The following C10orf67 variants were observed in gnomAD, a reference collection of about 807,000 sequenced individuals.
C10orf67 encodes uncharacterized protein C10orf67, mitochondrial.
A neutral mutation model predicts 35.6 loss-of-function variants in C10orf67; 60 were observed. The ratio of observed to expected loss-of-function variants is 1.68; its 90% confidence interval spans 1.37 to 2.09. The LOEUF is 2.09. Ranked by LOEUF, C10orf67 falls within the 30% of genes most tolerant of loss-of-function variation. The probability of loss-of-function intolerance (pLI) is 0.00; values close to 1 mark genes in which losing one functional copy is unlikely to be tolerated. For missense variants in C10orf67, 474 were observed against 330.2 expected, an observed-to-expected ratio of 1.44 and a Z score of -3.38; for synonymous variants, 167 against 115.8, an observed-to-expected ratio of 1.44 and a Z score of -2.84.
Position 23,203,516 on chromosome 10 carries a change from A to T in C10orf67, c.*657T>A, listed in dbSNP as rs187000209. 2 of 152,356 alleles carry T rather than the reference A, an allele frequency of 1.3e-5. No individual in the cohort carries two copies. The highest frequency in any genetic ancestry group is 3.9e-4 in the East Asian group (2 of 5,186). The allele number at this position is 152,356 out of a possible 1,614,324, so 9.4% of individuals were successfully genotyped here. On this transcript the variant is annotated 3_prime_UTR_variant, in exon 16 of 16. Transcript: ENST00000636213. ...GGGAATAGAAAGAACCAAGTTGGAC[A>T]TTACGCATGGAAGAAAAGCAAACCC...
At position 23,248,090 on chromosome 10, in the gene C10orf67, T is replaced by C. The variant is rs910256628; in HGVS notation, c.1346+2365A>G. 5.3e-5 allele frequency among the ~76,000 whole-genome samples: 8 copies of C among 152,334 alleles called. No individual in the cohort carries two copies. In the South Asian group the frequency reaches 6.2e-4, roughly 12 times the overall value. On this transcript the variant is annotated intron_variant, in intron 12 of 15. Coordinates refer to ENST00000636213, the MANE Select transcript of C10orf67 (RefSeq NM_001371909.1). The stretch of plus-strand genomic sequence containing the variant: ...GAGAAGGGATGTGTGCATGGACCTC[T>C]TCCATATATGCAAGCCAGAGTGGCA...
At chr10:23,206,495 C>T (rs771324382) in intron 15 of C10orf67, among the ~76,000 whole-genome samples, 47 of 152,232 alleles carry the variant, frequency 3.1e-4, no homozygotes, top group African/African-American at 9.9e-4. Context: ...TTGAAATCTT[C>T]GGCACAAAGA....
intron 2 of C10orf67, among the ~76,000 whole-genome samples, chr10:23,332,057 A>T (rs1845506948): frequency 2.0e-5 from 3 of 152,248 alleles, no homozygotes; most frequent in Non-Finnish European, 4.4e-5. Flanking sequence ...CCTCTGACTC[A>T]GAAATTCCAC....
chr10:23,340,243 G>T (rs1437526666), intron 1 of C10orf67, among the ~76,000 whole-genome samples: 1 of 151,560 alleles, frequency 6.6e-6, no homozygotes, highest in Non-Finnish European at 1.5e-5. Context: ...GCTGGGTGTG[G>T]TGGCTCACAC....
intron 15 of C10orf67, among the ~76,000 whole-genome samples, chr10:23,218,091 G>A (rs1019227814): frequency 3.9e-5 from 6 of 151,968 alleles, no homozygotes; most frequent in East Asian, 1.9e-4. Context: ...TATACCATTC[G>A]GAATTCACTG....
At chr10:23,276,612 T>C (rs1843196564) in intron 8 of C10orf67, among the ~76,000 whole-genome samples, 1 of 152,112 alleles carries the variant, frequency 6.6e-6, no homozygotes, top group Non-Finnish European at 1.5e-5. Flanking sequence ...TTAATTTTCT[T>C]CTTGTAAGTT....
chr10:23,307,582 T>C (rs1178468704), intron 4 of C10orf67, among the ~76,000 whole-genome samples: 1 of 151,338 alleles, frequency 6.6e-6, no homozygotes, highest in African/African-American at 2.4e-5. Context: ...AATTTTGTGA[T>C]TTTATTTATT....
intron 4 of C10orf67, among the ~76,000 whole-genome samples, chr10:23,313,154 C>T (rs1309219981): frequency 6.6e-6 from 1 of 152,216 alleles, no homozygotes; most frequent in African/African-American, 2.4e-5. Flanking sequence ...TAACTATTCA[C>T]CCAAATTGAC....
At chr10:23,280,020 A>G (rs1204431958) in intron 8 of C10orf67, among the ~76,000 whole-genome samples, 1 of 151,858 alleles carries the variant, frequency 6.6e-6, no homozygotes, top group Non-Finnish European at 1.5e-5. Context: ...TGCCTAGCTA[A>G]TCTTTTTTAT....
At chr10:23,330,193 C>T (rs1361159768) in intron 2 of C10orf67, among the ~76,000 whole-genome samples, 1 of 152,218 alleles carries the variant, frequency 6.6e-6, no homozygotes, top group African/African-American at 2.4e-5. Context: ...TTTGGTGGCT[C>T]ATGCCTGTAT....
chr10:23,288,168 A>T (rs1843603489), intron 7 of C10orf67, among the ~76,000 whole-genome samples: 1 of 152,236 alleles, frequency 6.6e-6, no homozygotes, highest in Non-Finnish European at 1.5e-5. Flanking sequence ...AGACATGCAC[A>T]CATATGTTTA....
chr10:23,259,528 A>G (rs1008410109), intron 10 of C10orf67, among the ~76,000 whole-genome samples: 2 of 152,112 alleles, frequency 1.3e-5, no homozygotes, highest in African/African-American at 2.4e-5. Flanking sequence ...AAAGTCCAGG[A>G]AAAAAAATCT....
At chr10:23,297,902 T>C (rs1039636613) in intron 5 of C10orf67, among the ~76,000 whole-genome samples, 15 of 152,234 alleles carry the variant, frequency 9.9e-5, no homozygotes, top group Non-Finnish European at 2.9e-5. Context: ...ATCTCTTCCC[T>C]GTATTATTTT....
At chr10:23,202,474 T>G, downstream of C10orf67, 1 of 152,164 alleles carries the variant, frequency 6.6e-6, no homozygotes, top group Admixed American at 6.5e-5. Flanking sequence ...GGATTTTTTT[T>G]TTTTTTTTGT....
At chr10:23,276,484 T>C (rs1331836733) in intron 8 of C10orf67, among the ~76,000 whole-genome samples, 1 of 152,034 alleles carries the variant, frequency 6.6e-6, no homozygotes, top group Non-Finnish European at 1.5e-5. Flanking sequence ...AACTTCCCTA[T>C]AAATATATAA....
chr10:23,320,606 G>C (rs994823223), intron 4 of C10orf67, 135 bp downstream of exon 4: 32 of 647,256 alleles, frequency 4.9e-5, no homozygotes, highest in Admixed American at 2.2e-4. Flanking sequence ...TCCCTCTAAG[G>C]TGACCTGAAA....
chr10:23,202,309 G>C (rs989742847), downstream of C10orf67: 1 of 152,220 alleles, frequency 6.6e-6, no homozygotes, highest in Non-Finnish European at 1.5e-5. Flanking sequence ...CCAGTTGCCA[G>C]CTTTCTGAAA....
In C10orf67 at chr10:23,267,237, CTCTT is replaced by C; in HGVS notation, c.989_992del (p.Lys330ArgfsTer5). ...CATACTTTTTTCTCATTTCCTTGTCCTCTTTCTGTTTATTAATCTGTAAAATTGA... is the reference window on the plus strand; with the variant it reads ...CATACTTTTTTCTCATTTCCTTGTCCTCTGTTTATTAATCTGTAAAATTGA... On this transcript the variant is annotated frameshift_variant, in exon 9 of 16. Coordinates refer to ENST00000636213, the MANE Select transcript of C10orf67 (RefSeq NM_001371909.1). LOFTEE classifies it high-confidence loss of function. 1.4e-6 allele frequency: 1 copy of C among 715,780 alleles called. No homozygotes were observed. Among genetic ancestry groups the C allele is most frequent in the Non-Finnish European group, 2.6e-6 (1 of 384,652 alleles). The allele number at this position is 715,780 out of a possible 1,614,324, so 44.3% of individuals were successfully genotyped here.
At position 23,332,576 on chromosome 10, in the gene C10orf67, T is replaced by C. The variant is rs147464266; in HGVS notation, c.327+486A>G. ...GCATGCACTTGTAGTCCCAGCTACT[T>C]GTGAGGCTGAAGTGGGAGGATCACC... On this transcript the variant is annotated intron_variant, in intron 2 of 15. Coordinates refer to ENST00000636213, the MANE Select transcript of C10orf67 (RefSeq NM_001371909.1). 5.3e-5 allele frequency among the ~76,000 whole-genome samples: 8 copies of C among 151,872 alleles called. No homozygotes were observed. The East Asian group carries it at 1.5e-3, about 29-fold the overall frequency.
Sources: gnomAD v4.1 joint callset for allele counts (sites outside exome capture counted in the v4.1 genomes callset) on GRCh38, gnomAD v4.1.1 for gene constraint, MANE v1.5 for transcripts, NCBI Gene and HGNC (gene_info 2026-07-23, HGNC 2026-07-21) for gene names.